TMED8: variants seen among roughly 807,000 people sequenced by gnomAD.
TMED8 encodes transmembrane p24 trafficking protein family member 8.
TMED8 carries 15 observed loss-of-function variants against 32.7 expected under a neutral mutation model. The ratio of observed to expected loss-of-function variants is 0.46; its 90% CI spans 0.31 to 0.71. The LOEUF (loss-of-function observed/expected upper bound fraction) is 0.71, where lower values mean the gene tolerates loss of function less well. Among genes scored for constraint, TMED8 ranks in the 30% least tolerant of loss-of-function variants. The probability of loss-of-function intolerance (pLI) is 0.06; values close to 1 mark genes in which losing one functional copy is unlikely to be tolerated. For missense variants in TMED8, 390 were observed against 423.9 expected, an observed-to-expected ratio of 0.92 and a Z score of 0.70; for synonymous variants, 147 against 161.4, an observed-to-expected ratio of 0.91 and a Z score of 0.68.
intron 1 of TMED8, among the ~76,000 whole-genome samples, chr14:77,370,382 A>C (rs1893649835): frequency 1.3e-5 from 2 of 152,164 alleles, no homozygotes; most frequent in Non-Finnish European, 2.9e-5. Context: ...TTAATCTCTA[A>C]GGAGACTTAT....
Position 77,377,067 on chromosome 14 carries a change from A to T in TMED8, c.-14T>A, listed in dbSNP as rs985459472. On this transcript the variant is annotated 5_prime_UTR_variant, in exon 1 of 6. Transcript: ENST00000216468. ...CAGGTCAGACATCTGCAGCCCGCGC[A>T]CGGAGCTCTCCGCTGCCAGCCGCGA... 48 of 1,344,480 alleles carry T rather than the reference A, an allele frequency of 3.6e-5. No homozygotes were observed. The highest frequency in any genetic ancestry group is 4.6e-5 in the Non-Finnish European group (48 of 1,048,748). The allele number at this position is 1,344,480 out of a possible 1,614,324, so 83.3% of individuals were successfully genotyped here. A position where few individuals can be genotyped will look rare whatever the true frequency, so the allele number is the denominator to read the frequency against.
chr14:77,357,041 C>T (rs1055792018), intron 1 of TMED8, among the ~76,000 whole-genome samples: 5 of 152,138 alleles, frequency 3.3e-5, no homozygotes, highest in Non-Finnish European at 5.9e-5. Context: ...ATTTAAAATT[C>T]GGTCCACCCA....
rs1276472593 is a variant in TMED8, at chr14:77,335,511, T to A, written c.*6260A>T. 1 of 152,260 alleles carries A rather than the reference T, an allele frequency of 6.6e-6. No individual in the cohort carries two copies. Among genetic ancestry groups the A allele is most frequent in the African/African-American group, 2.4e-5 (1 of 41,472 alleles). 9.4% of individuals were successfully genotyped at this position (152,260 alleles called of 1,614,324 possible). A position where few individuals can be genotyped will look rare whatever the true frequency, so the allele number is the denominator to read the frequency against. ...TGCTTAAATCTTTACGAAGAAAACATGATCATCTTTCAGTCAACTGACTGA... is the reference window on the plus strand; with the variant it reads ...TGCTTAAATCTTTACGAAGAAAACAAGATCATCTTTCAGTCAACTGACTGA... On this transcript the variant is annotated 3_prime_UTR_variant, in exon 6 of 6. Coordinates refer to ENST00000216468, the MANE Select transcript of TMED8 (RefSeq NM_213601.3).
At position 77,335,048 on chromosome 14, in the gene TMED8, T is replaced by C. The variant is rs1040602408; in HGVS notation, c.*6723A>G. ...ACCAGGTGCATAGTGAAAAAGTTTA[T>C]TTATGACAGATTCGAAAACTCAGAA... is the stretch of plus-strand genomic sequence containing the variant. On this transcript the variant is annotated 3_prime_UTR_variant, in exon 6 of 6. Transcript: ENST00000216468. 8.5e-5 allele frequency: 13 copies of C among 152,184 alleles called. No individual in the cohort carries two copies. The highest frequency in any genetic ancestry group is 3.1e-4 in the African/African-American group (13 of 41,434). The allele number at this position is 152,184 out of a possible 1,614,324, so 9.4% of individuals were successfully genotyped here.
At chr14:77,345,277 G>A (rs1162235507) in intron 3 of TMED8, among the ~76,000 whole-genome samples, 4 of 152,124 alleles carry the variant, frequency 2.6e-5, no homozygotes, top group Admixed American at 6.5e-5. Flanking sequence ...ATGAGCCACC[G>A]GGCCCAGCCA....
chr14:77,371,231 T>C (rs910277695), intron 1 of TMED8, among the ~76,000 whole-genome samples: 4 of 152,202 alleles, frequency 2.6e-5, no homozygotes, highest in African/African-American at 4.8e-5. Flanking sequence ...CTGATGGATA[T>C]TGACAAGTTG....
intron 1 of TMED8, among the ~76,000 whole-genome samples, chr14:77,367,427 T>A (rs1404705857): frequency 6.6e-6 from 1 of 152,018 alleles, no homozygotes; most frequent in Admixed American, 6.6e-5. Flanking sequence ...CATTACCTGA[T>A]CCTTTCCTCC....
In TMED8 at chr14:77,372,941, TATATATATATA is replaced by T. The variant is rs1372795579; in HGVS notation, c.118+3984_118+3994del. Among the ~76,000 whole-genome samples the T allele has an allele frequency of 4.1e-3, 131 of 32,170 alleles. 1 individual carries two copies. The highest frequency in any genetic ancestry group is 9.2e-3 in the African/African-American group (35 of 3,822). The allele number at this position is 32,170 out of a possible 152,430, so 21.1% of individuals were successfully genotyped here. A position where few individuals can be genotyped will look rare whatever the true frequency, so the allele number is the denominator to read the frequency against. On this transcript the variant is annotated intron_variant, in intron 1 of 5. Transcript: ENST00000216468. ...ATATATATATATATATATATATATA[TATATATATATA>T]TTTTTTTTTTTTTTTTTTTTTTTTT...
intron 5 of TMED8, among the ~76,000 whole-genome samples, chr14:77,342,518 G>A (rs1052459606): frequency 6.6e-6 from 1 of 152,120 alleles, no homozygotes; most frequent in Admixed American, 6.5e-5. Flanking sequence ...GCTGTTCTAT[G>A]AAGAAGCACG....
intron 3 of TMED8, 48 bp downstream of exon 3, chr14:77,346,301 C>A: frequency 3.1e-6 from 5 of 1,602,150 alleles, no homozygotes; most frequent in Non-Finnish European, 4.3e-6. Context: ...TATGTGTCCA[C>A]ATTCTGGTGC....
chr14:77,344,060 A>G (rs1033762977), intron 3 of TMED8, among the ~76,000 whole-genome samples: 1 of 152,188 alleles, frequency 6.6e-6, no homozygotes, highest in Admixed American at 6.5e-5. Flanking sequence ...ACCTTTTGCA[A>G]CTTTCCTGCT....
chr14:77,344,927 A>G (rs962348372), intron 3 of TMED8, among the ~76,000 whole-genome samples: 7 of 152,232 alleles, frequency 4.6e-5, no homozygotes, highest in Non-Finnish European at 8.8e-5. Context: ...AGGTTGCAAC[A>G]TATTAGCTAC....
At position 77,343,460 on chromosome 14, in the gene TMED8, G is replaced by A; in HGVS notation, c.478C>T (p.Pro160Ser). ...RKVSPPLMAP[P>S]CIWTFAKVKE... Reference sequence around the variant, plus strand: ...ACCTTGGCAAAGGTCCAGATGCATGGAGGAGCCATCAGAGGTGGGGAGACT... The same window carrying A: ...ACCTTGGCAAAGGTCCAGATGCATGAAGGAGCCATCAGAGGTGGGGAGACT... The change falls in exon 5 of 6, where the codon CCA becomes TCA. Residue 160 changes from proline (P) to serine (S), a missense_variant. Physicochemically the swap from Pro to Ser is moderately conservative, Grantham distance 74. Transcript: ENST00000216468. 2 of 1,613,490 alleles carry A rather than the reference G, an allele frequency of 1.2e-6. No individual in the cohort carries two copies. Among genetic ancestry groups the A allele is most frequent in the Non-Finnish European group, 1.7e-6 (2 of 1,179,716 alleles).
In TMED8 at chr14:77,340,954, G is replaced by T. The variant is rs552114941; in HGVS notation, c.*817C>A. 1.4e-5 allele frequency: 2 copies of T among 146,936 alleles called. No homozygotes were observed. The highest frequency in any genetic ancestry group is 4.0e-4 in the East Asian group (2 of 5,020). The allele number at this position is 146,936 out of a possible 1,614,324, so 9.1% of individuals were successfully genotyped here. A position where few individuals can be genotyped will look rare whatever the true frequency, so the allele number is the denominator to read the frequency against. On this transcript the variant is annotated 3_prime_UTR_variant, in exon 6 of 6. Coordinates refer to ENST00000216468, the MANE Select transcript of TMED8 (RefSeq NM_213601.3). ...CCAAAAAAAAAAAAAAAAGTAACACGACTTTCAAATATGTGGGTTCTGACA... is the reference window on the plus strand; with the variant it reads ...CCAAAAAAAAAAAAAAAAGTAACACTACTTTCAAATATGTGGGTTCTGACA...
At chr14:77,373,565 C>G (rs886358410) in intron 1 of TMED8, among the ~76,000 whole-genome samples, 4 of 152,106 alleles carry the variant, frequency 2.6e-5, no homozygotes, top group African/African-American at 4.8e-5. Context: ...CATGAAGACA[C>G]TCAATAGGTA....
At chr14:77,374,879 G>A (rs1210398788) in intron 1 of TMED8, among the ~76,000 whole-genome samples, 1 of 152,200 alleles carries the variant, frequency 6.6e-6, no homozygotes, top group African/African-American at 2.4e-5. Flanking sequence ...CTTGAGGACA[G>A]AGACCATAAC....
intron 1 of TMED8, among the ~76,000 whole-genome samples, chr14:77,370,032 C>T (rs1893641549): frequency 6.6e-6 from 1 of 151,994 alleles, no homozygotes; most frequent in African/African-American, 2.4e-5. Context: ...ATTAGCCGGG[C>T]GTGGTGGCAC....
At chr14:77,355,192 T>C (rs1235721996) in intron 1 of TMED8, among the ~76,000 whole-genome samples, 1 of 142,878 alleles carries the variant, frequency 7.0e-6, no homozygotes, top group African/African-American at 2.5e-5. Flanking sequence ...GGACATGCAC[T>C]AAACACTTTT....
rs540679551 is a variant in TMED8, at chr14:77,374,989, T to TG, written c.118+1946dup. Among the ~76,000 whole-genome samples, 8 of 152,314 alleles carry TG rather than the reference T, an allele frequency of 5.3e-5. No individual in the cohort carries two copies. In the South Asian group the frequency reaches 1.7e-3, roughly 32 times the overall value. On this transcript the variant is annotated intron_variant, in intron 1 of 5. Transcript: ENST00000216468. ...CAATTTCATCCAGACAGTAAAAACT[T>TG]GCGCTAACTTGAACAGGTAAGTTAA...
Sources: gnomAD v4.1 joint callset for allele counts (sites outside exome capture counted in the v4.1 genomes callset) on GRCh38, gnomAD v4.1.1 for gene constraint, MANE v1.5 for transcripts, NCBI Gene and HGNC (gene_info 2026-07-23, HGNC 2026-07-21) for gene names.